The following RBM19 variants were observed in gnomAD, a reference collection of about 807,000 sequenced individuals.
RBM19 encodes the protein probable RNA-binding protein 19.
A neutral mutation model predicts 116.8 loss-of-function variants in RBM19; 94 were observed. That is an observed-to-expected ratio of 0.80 (90% CI 0.68 to 0.95). The LOEUF (loss-of-function observed/expected upper bound fraction) is 0.95. RBM19 is among the 40% of genes least tolerant of loss of function. The pLI is 0.00. For missense variants in RBM19, 1,161 were observed against 1,220.7 expected (o/e 0.95, Z 0.73); for synonymous variants, 475 against 494.1 (o/e 0.96, Z 0.51).
chr12:113,844,881 T>C, intron 22 of RBM19, 93 bp from the exon 23 acceptor site: 37 of 1,473,026 alleles, frequency 2.5e-5, no homozygotes, highest in Non-Finnish European at 3.3e-5. Flanking sequence ...GCGTCTCAGA[T>C]GCCAAAGCCC....
At chr12:113,914,830 C>T in intron 21 of RBM19, 139 bp downstream of exon 21, 2 of 755,266 alleles carry the variant, frequency 2.6e-6, no homozygotes, top group Non-Finnish European at 4.6e-6. Flanking sequence ...AAATCAAAAG[C>T]AGCCAAAAGA....
rs768474908 is a variant in RBM19 at position 113,959,903 on chromosome 12, C to A, written c.340G>T (p.Asp114Tyr). The A allele has an allele frequency of 1.9e-6, 3 of 1,614,164 alleles. No individual in the cohort carries two copies. The highest frequency in any genetic ancestry group is 1.7e-6 in the Non-Finnish European group (2 of 1,180,018). ...KDSTTPEIKK[D>Y]EKKKKVAGQL... ...CCTGCCACCTTTTTCTTCTTCTCAT[C>A]CTGAAAACAGAAGGCACAGAGAGTG... The change falls in exon 4 of 24, where the codon GAT becomes TAT. Residue 114 changes from aspartate (D) to tyrosine (Y), a missense_variant and splice_region_variant. Asp to Tyr is a radical substitution (Grantham distance 160, BLOSUM62 -3). Coordinates refer to ENST00000261741, the MANE Select transcript of RBM19 (RefSeq NM_016196.4).
chr12:113,907,744 T>A (rs1322966158), intron 21 of RBM19, among the ~76,000 whole-genome samples: 4 of 152,246 alleles, frequency 2.6e-5, no homozygotes, highest in African/African-American at 9.6e-5. Context: ...ACGTGCCAAA[T>A]CCCCACTTAG....
At chr12:113,846,257 C>G (rs567375150) in intron 22 of RBM19, among the ~76,000 whole-genome samples, 1 of 152,286 alleles carries the variant, frequency 6.6e-6, no homozygotes, top group South Asian at 2.1e-4. Context: ...GTTTGCTGCT[C>G]TTGTTTCTTT....
intron 21 of RBM19, among the ~76,000 whole-genome samples, chr12:113,860,088 G>A (rs1025694948): frequency 6.6e-6 from 1 of 152,240 alleles, no homozygotes; most frequent in Non-Finnish European, 1.5e-5. Context: ...CTCCCCAGCA[G>A]CTCTGCTCCC....
chr12:113,845,051 AGCCGTCTATTT>A (rs1876837222), intron 22 of RBM19, among the ~76,000 whole-genome samples: 1 of 152,214 alleles, frequency 6.6e-6, no homozygotes, highest in Non-Finnish European at 1.5e-5. Context: ...GGGCTGAGGC[AGCCGTCTATTT>A]GCCGTGTGTC....
intron 18 of RBM19, among the ~76,000 whole-genome samples, chr12:113,921,390 C>T (rs910623271): frequency 6.6e-6 from 1 of 152,168 alleles, no homozygotes; most frequent in African/African-American, 2.4e-5. Context: ...GATGTCCCCC[C>T]ACCTTCCACC....
intron 18 of RBM19, among the ~76,000 whole-genome samples, chr12:113,922,459 C>CTTTT (rs1203399270): frequency 6.6e-6 from 1 of 152,146 alleles, no homozygotes; most frequent in African/African-American, 2.4e-5. Context: ...CAGATAACCA[C>CTTTT]TTCTAAAACA....
intron 21 of RBM19, among the ~76,000 whole-genome samples, chr12:113,890,667 G>A (rs950532723): frequency 6.6e-6 from 1 of 152,178 alleles, no homozygotes; most frequent in Non-Finnish European, 1.5e-5. Context: ...TAGAAGTGCT[G>A]GCTTCTCCCC....
At chr12:113,875,645 T>C (rs901899561) in intron 21 of RBM19, among the ~76,000 whole-genome samples, 2 of 152,110 alleles carry the variant, frequency 1.3e-5, no homozygotes, top group Non-Finnish European at 2.9e-5. Flanking sequence ...CAGATAGGAT[T>C]TGGGGTGTAG....
At chr12:113,904,555 G>A (rs2135831616) in intron 21 of RBM19, among the ~76,000 whole-genome samples, 1 of 152,324 alleles carries the variant, frequency 6.6e-6, no homozygotes, top group African/African-American at 2.4e-5. Context: ...CAGACATCGG[G>A]AGGTATCGTT....
chr12:113,889,287 G>A (rs1880772025), intron 21 of RBM19, among the ~76,000 whole-genome samples: 1 of 152,162 alleles, frequency 6.6e-6, no homozygotes, highest in African/African-American at 2.4e-5. Flanking sequence ...AAGTGCCCTG[G>A]TGGATCAGCA....
At chr12:113,965,057 G>A (rs531556490) in intron 1 of RBM19, among the ~76,000 whole-genome samples, 1 of 152,130 alleles carries the variant, frequency 6.6e-6, no homozygotes, top group East Asian at 1.9e-4. Context: ...GATCACCTGA[G>A]GTCAGGAGTT....
intron 12 of RBM19, 146 bp from the exon 13 acceptor site, chr12:113,946,070 G>C: frequency 1.2e-6 from 1 of 814,142 alleles, no homozygotes. Flanking sequence ...CGTATACAGG[G>C]CCTGAAGACA....
intron 23 of RBM19, among the ~76,000 whole-genome samples, chr12:113,827,853 G>T (rs1875011997): frequency 6.6e-6 from 1 of 151,864 alleles, no homozygotes; most frequent in African/African-American, 2.4e-5. Flanking sequence ...CACCTCTCTG[G>T]GCTCCTCTCA....
At chr12:113,875,230 T>C (rs1879579565) in intron 21 of RBM19, among the ~76,000 whole-genome samples, 1 of 152,132 alleles carries the variant, frequency 6.6e-6, no homozygotes, top group African/African-American at 2.4e-5. Flanking sequence ...CTGGGACAAA[T>C]ATTATTTTTA....
intron 14 of RBM19, among the ~76,000 whole-genome samples, chr12:113,940,537 A>ACGTGC (rs1422262753): frequency 2.6e-5 from 4 of 152,226 alleles, no homozygotes; most frequent in African/African-American, 9.6e-5. Flanking sequence ...AGCCAGCAGG[A>ACGTGC]CGTGCTGCAG....
intron 22 of RBM19, among the ~76,000 whole-genome samples, chr12:113,851,048 C>G (rs1877408285): frequency 6.6e-6 from 1 of 152,216 alleles, no homozygotes; most frequent in Non-Finnish European, 1.5e-5. Context: ...CTCCCACTGT[C>G]CTGTGAGTAA....
In RBM19 at chr12:113,823,196, C is replaced by T. The variant is rs567007655; in HGVS notation, c.*28G>A. Reference sequence around the variant, plus strand: ...GCGGCTGTCCCGGTCCCCAGGGCCCCGGAGCCACACACCCTCTCGGTGCCA... The same window carrying T: ...GCGGCTGTCCCGGTCCCCAGGGCCCTGGAGCCACACACCCTCTCGGTGCCA... On this transcript the variant is annotated 3_prime_UTR_variant, in exon 24 of 24. Transcript: ENST00000261741. 2.6e-5 allele frequency: 41 copies of T among 1,597,360 alleles called. No individual in the cohort carries two copies. The highest frequency in any genetic ancestry group is 2.2e-4 in the East Asian group (10 of 44,824).
Sources: allele counts gnomAD v4.1 joint callset (sites outside exome capture counted in the v4.1 genomes callset), GRCh38; gene constraint gnomAD v4.1.1; transcripts MANE v1.5; gene names NCBI Gene and HGNC (gene_info 2026-07-23, HGNC 2026-07-21).